The following DSG3 variants were observed in gnomAD, a reference collection of about 807,000 sequenced individuals.
DSG3 encodes desmoglein-3.
Under a neutral mutation model 85.9 loss-of-function variants are expected in DSG3, and 63 were observed. That is an observed-to-expected ratio of 0.73 (90% confidence interval 0.60 to 0.90). DSG3 has a LOEUF of 0.90. DSG3 is among the 40% of genes least tolerant of loss of function. The pLI is 0.00. For missense variants in DSG3, 1,220 were observed against 1,219.9 expected (o/e 1.00, Z 0.00); for synonymous variants, 447 against 441.9 (o/e 1.01, Z -0.14).
chr18:31,474,143 C>T lies in DSG3; in HGVS notation c.2124C>T (p.Ala708=). The T allele has an allele frequency of 6.2e-7, 1 of 1,613,392 alleles. No individual in the cohort carries two copies. Among genetic ancestry groups the T allele is most frequent in the Non-Finnish European group, 8.5e-7 (1 of 1,179,324 alleles). The part of the protein sequence containing the change: ...ESSEVCTNTY[A]RGTAVEGTSG... ...TAGAAGTTTGTACAAATACGTATGC[C>T]AGAGGCACAGCGGTGGAAGGCACTT... Residue 708 remains alanine (A), a synonymous_variant, in exon 15 of 16, where the codon GCC becomes GCT. Transcript: ENST00000257189.
intron 6 of DSG3, 83 bp downstream of exon 6, chr18:31,460,094 G>A (rs563808181): frequency 5.3e-5 from 76 of 1,424,124 alleles, no homozygotes; most frequent in South Asian, 4.2e-4. Flanking sequence ...CATTTTACCC[G>A]AAAATTAAAA....
chr18:31,459,006 T>G (rs377689078), intron 4 of DSG3, 27 bp from the exon 5 acceptor site: 2 of 1,610,942 alleles, frequency 1.2e-6, no homozygotes, highest in African/African-American at 2.7e-5. Context: ...TGCAGAGTAA[T>G]ACTCCACATT....
intron 11 of DSG3, among the ~76,000 whole-genome samples, chr18:31,467,988 A>T (rs1284085566): frequency 6.6e-6 from 1 of 152,224 alleles, no homozygotes; most frequent in African/African-American, 2.4e-5. Context: ...GAGGGCCGGG[A>T]TGTGTCACAA....
In DSG3 at chr18:31,469,246, T is replaced by C. The variant is rs267605164; in HGVS notation, c.1794T>C (p.Ser598=). Residue 598 remains serine (S), a synonymous_variant, in exon 12 of 16, where the codon TCT becomes TCC. Coordinates refer to ENST00000257189, the MANE Select transcript of DSG3 (RefSeq NM_001944.3). Reference sequence around the variant, plus strand: ...ACAACAGGGGCATCTGTGGAACTTCTTACCCAACCACAAGCCCTGGGACCA... The same window carrying C: ...ACAACAGGGGCATCTGTGGAACTTCCTACCCAACCACAAGCCCTGGGACCA... ...QCDNRGICGT[S]YPTTSPGTRY... 46 of 1,614,044 alleles carry C rather than the reference T, an allele frequency of 2.8e-5. No homozygotes were observed. Among genetic ancestry groups the C allele is most frequent in the Non-Finnish European group, 3.8e-5 (45 of 1,180,028 alleles).
chr18:31,452,679 C>T (rs1288293608), intron 1 of DSG3, among the ~76,000 whole-genome samples: 1 of 152,110 alleles, frequency 6.6e-6, no homozygotes, highest in Admixed American at 6.5e-5. Context: ...ATCCTCACAA[C>T]AAACCTATAA....
rs2072746206 is a variant in DSG3 at position 31,457,004 on chromosome 18, A to G, written c.96A>G (p.Gln32=). 3 of 1,609,030 alleles carry G rather than the reference A, an allele frequency of 1.9e-6. No individual in the cohort carries two copies. Among genetic ancestry groups the G allele is most frequent in the South Asian group, 2.2e-5 (2 of 89,626 alleles). ...CCTTTTTACATAAGACTAAAGGTCA[A>G]TATGATGAAGAAGAGATGACTATGC... is the stretch of plus-strand genomic sequence containing the variant. The part of the protein sequence containing the change: ...HGELRIETKG[Q]YDEEEMTMQQ... Residue 32 remains glutamine (Q), a synonymous_variant, in exon 3 of 16, where the codon CAA becomes CAG. Transcript: ENST00000257189.
intron 1 of DSG3, among the ~76,000 whole-genome samples, chr18:31,453,327 G>T (rs1265061443): frequency 3.3e-5 from 5 of 152,248 alleles, no homozygotes; most frequent in Middle Eastern, 6.8e-3. Flanking sequence ...GCCTGGCTGG[G>T]ATGAGCTACC....
Position 31,464,275 on chromosome 18 carries a change from G to T in DSG3, c.1164G>T (p.Lys388Asn). Residue 388 changes from lysine (K) to asparagine (N), a missense_variant, in exon 9 of 16, where the codon AAG becomes AAT. Transcript: ENST00000257189. ...GAATTGCATTCCGTCCTGCTTCCAA[G>T]ACATTTACTGTGCAAAAAGGCATAA... ...REGIAFRPAS[K>N]TFTVQKGISS... 6.2e-7 allele frequency: 1 copy of T among 1,614,144 alleles called. No individual in the cohort carries two copies. Among genetic ancestry groups the T allele is most frequent in the Non-Finnish European group, 8.5e-7 (1 of 1,180,012 alleles).
intron 8 of DSG3, among the ~76,000 whole-genome samples, chr18:31,462,234 G>A (rs1334651773): frequency 6.6e-6 from 1 of 152,000 alleles, no homozygotes; most frequent in East Asian, 1.9e-4. Context: ...ATCATGCCCG[G>A]CTAATTTTTA....
At position 31,452,390 on chromosome 18, in the gene DSG3, G is replaced by A. The variant is rs535549375; in HGVS notation, c.49-4050G>A. 5.7e-4 allele frequency among the ~76,000 whole-genome samples: 86 copies of A among 151,946 alleles called. 2 individuals are homozygous for A. The South Asian group carries it at 0.016, about 29-fold the overall frequency. On this transcript the variant is annotated intron_variant, in intron 1 of 15. Transcript: ENST00000257189. ...AAAAATTAGCTGGGCTTGGTGGTGC[G>A]CACCTGTAGTTCCAGCTACTCGGGA...
intron 12 of DSG3, among the ~76,000 whole-genome samples, chr18:31,470,060 A>G (rs1385467383): frequency 2.0e-5 from 3 of 152,096 alleles, no homozygotes; most frequent in African/African-American, 7.2e-5. Flanking sequence ...AAATTTATTC[A>G]ATAGATAGGT....
In DSG3 at chr18:31,461,203, T is replaced by C. The variant is rs751915584; in HGVS notation, c.814-24T>C. The C allele has an allele frequency of 8.8e-6, 14 of 1,589,306 alleles. No individual in the cohort carries two copies. In the African/African-American group the frequency reaches 1.9e-4, roughly 22 times the overall value. On this transcript the variant is annotated intron_variant, in intron 7 of 15. Coordinates refer to ENST00000257189, the MANE Select transcript of DSG3 (RefSeq NM_001944.3). The stretch of plus-strand genomic sequence containing the variant: ...CATGTAAAACCTGTCATTAGGTCTT[T>C]AATTCTGCTTCTCGCCTTTTCAGTA...
intron 4 of DSG3, 31 bp downstream of exon 4, chr18:31,458,631 C>A (rs776843477): frequency 1.9e-6 from 3 of 1,599,052 alleles, no homozygotes; most frequent in Admixed American, 3.5e-5. Flanking sequence ...TTGGGCTACC[C>A]TTCTCCTTGT....
chr18:31,475,612 A>T, intron 15 of DSG3, 34 bp from the exon 16 acceptor site: 1 of 1,594,594 alleles, frequency 6.3e-7, no homozygotes, highest in Non-Finnish European at 8.5e-7. Flanking sequence ...CTCTTTCTTA[A>T]AATTCATTTT....
intron 1 of DSG3, among the ~76,000 whole-genome samples, chr18:31,452,775 T>A (rs949802882): frequency 4.6e-5 from 7 of 152,148 alleles, no homozygotes; most frequent in African/African-American, 1.4e-4. Flanking sequence ...TGCTAGTACA[T>A]GGTTGGGAGT....
Position 31,447,746 on chromosome 18 carries a change from A to G in DSG3, c.-132A>G. 2 of 611,172 alleles carry G rather than the reference A, an allele frequency of 3.3e-6. No individual in the cohort carries two copies. Among genetic ancestry groups the G allele is most frequent in the Non-Finnish European group, 5.4e-6 (2 of 372,762 alleles). The allele number at this position is 611,172 out of a possible 1,614,324, so 37.9% of individuals were successfully genotyped here. A position where few individuals can be genotyped will look rare whatever the true frequency, so the allele number is the denominator to read the frequency against. ...TTAGGGTGGGGAGGGACCGCATAAC[A>G]GACCATCTGTAGACTCCTTCGGAAA... On this transcript the variant is annotated 5_prime_UTR_variant, in exon 1 of 16. Coordinates refer to ENST00000257189, the MANE Select transcript of DSG3 (RefSeq NM_001944.3).
Position 31,477,619 on chromosome 18 carries a change from A to T in DSG3, c.*1359A>T, listed in dbSNP as rs567210959. On this transcript the variant is annotated 3_prime_UTR_variant, in exon 16 of 16. Transcript: ENST00000257189. ...CCTTGCTTTTAAATTAAACAGCTAC[A>T]GCCATTTAAGCCTTGAGGATAATAA... 94 of 152,356 alleles carry T rather than the reference A, an allele frequency of 6.2e-4. No individual in the cohort carries two copies. Among genetic ancestry groups the T allele is most frequent in the African/African-American group, 2.1e-3 (89 of 41,580 alleles). The allele number at this position is 152,356 out of a possible 1,614,324, so 9.4% of individuals were successfully genotyped here. A position where few individuals can be genotyped will look rare whatever the true frequency, so the allele number is the denominator to read the frequency against.
chr18:31,471,204 T>TCCCC (rs2072853173), intron 12 of DSG3, among the ~76,000 whole-genome samples: 1 of 152,074 alleles, frequency 6.6e-6, no homozygotes, highest in Admixed American at 6.6e-5. Flanking sequence ...CTGGAGAGGA[T>TCCCC]TGGGAGATTA....
At chr18:31,453,359 T>C (rs2072722522) in intron 1 of DSG3, among the ~76,000 whole-genome samples, 4 of 152,156 alleles carry the variant, frequency 2.6e-5, no homozygotes, top group Admixed American at 1.3e-4. Flanking sequence ...CATAGTCTTA[T>C]GTTCTGTCCC....
Sources: allele counts gnomAD v4.1 joint callset (sites outside exome capture counted in the v4.1 genomes callset), GRCh38; gene constraint gnomAD v4.1.1; transcripts MANE v1.5; gene names NCBI Gene and HGNC (gene_info 2026-07-23, HGNC 2026-07-21).